PKD1L1: variants seen among roughly 807,000 people sequenced by gnomAD.
PKD1L1 encodes polycystin-1-like protein 1.
A neutral mutation model predicts 323.4 loss-of-function variants in PKD1L1; 236 were observed. The ratio of observed to expected loss-of-function variants is 0.73; its 90% CI spans 0.66 to 0.81. PKD1L1 has a LOEUF of 0.81. PKD1L1 is among the 40% of genes least tolerant of loss of function. The pLI is 0.00. For synonymous variants in PKD1L1, 1,344 were observed against 1,335.0 expected, an observed-to-expected ratio of 1.01 and a Z score of -0.15; for missense variants, 3,320 against 3,508.0, an observed-to-expected ratio of 0.95 and a Z score of 1.35.
rs1417173180 is a variant in PKD1L1 at position 47,893,373 on chromosome 7, C to G, written c.2453+505G>C. Among the ~76,000 whole-genome samples, 4 of 152,164 alleles carry G rather than the reference C, an allele frequency of 2.6e-5. No individual in the cohort carries two copies. The East Asian group carries it at 5.8e-4, about 22-fold the overall frequency. ...GGGGCGCTGTAGGGACGCCGGGACT[C>G]ACAGCCCAGAGTCCGGAGAATGGTC... On this transcript the variant is annotated intron_variant, in intron 15 of 56. Transcript: ENST00000289672.
intron 8 of PKD1L1, 119 bp from the exon 9 acceptor site, chr7:47,908,369 T>A (rs1046668976): frequency 3.4e-5 from 32 of 941,946 alleles, no homozygotes; most frequent in Non-Finnish European, 5.0e-5. Context: ...GGAGAGGTGA[T>A]CTTTCTTGTC....
intron 22 of PKD1L1, among the ~76,000 whole-genome samples, chr7:47,876,762 T>C (rs558355812): frequency 6.6e-6 from 1 of 152,224 alleles, no homozygotes; most frequent in Non-Finnish European, 1.5e-5. Context: ...TGCCTGCCCA[T>C]CACCTGAGGC....
chr7:47,886,911 T>C (rs569451501), intron 17 of PKD1L1, among the ~76,000 whole-genome samples: 1 of 152,054 alleles, frequency 6.6e-6, no homozygotes, highest in Non-Finnish European at 1.5e-5. Context: ...AAAGGATGAA[T>C]AGCAAAGAAA....
At chr7:47,833,704 CAG>C (rs1034699627) in intron 40 of PKD1L1, among the ~76,000 whole-genome samples, 4 of 152,192 alleles carry the variant, frequency 2.6e-5, no homozygotes, top group Admixed American at 1.3e-4. Context: ...GAGCTGCCGC[CAG>C]AGAGTTAGAG....
chr7:47,789,110 A>C (rs1447280394), intron 56 of PKD1L1, among the ~76,000 whole-genome samples: 1 of 152,164 alleles, frequency 6.6e-6, no homozygotes, highest in East Asian at 1.9e-4. Flanking sequence ...TTGTTTCATA[A>C]AAACACATTC....
chr7:47,870,291 A>G (rs928016374), intron 24 of PKD1L1, among the ~76,000 whole-genome samples: 5 of 152,160 alleles, frequency 3.3e-5, no homozygotes, highest in Non-Finnish European at 7.4e-5. Context: ...CAACCACAAC[A>G]ATAAAAATCA....
rs1447198567 is a variant in PKD1L1 at position 47,889,803 on chromosome 7, C to A, written c.2675+739G>T. Among the ~76,000 whole-genome samples, 6 of 152,300 alleles carry A rather than the reference C, an allele frequency of 3.9e-5. No homozygotes were observed. The South Asian group carries it at 1.0e-3, about 26-fold the overall frequency. ...GCTATGGGCAGAGGGTCAGTCCCAG[C>A]ACTGCTTCCTGGGTGGGTGCCAGCT... On this transcript the variant is annotated intron_variant, in intron 16 of 56. Coordinates refer to ENST00000289672, the MANE Select transcript of PKD1L1 (RefSeq NM_138295.5).
At chr7:47,905,080 A>G in intron 11 of PKD1L1, 77 bp downstream of exon 11, 1 of 1,488,594 alleles carries the variant, frequency 6.7e-7, no homozygotes, top group Non-Finnish European at 9.1e-7. Flanking sequence ...TGCCTTCGGT[A>G]GCAGCATGGT....
chr7:47,813,152 C>T lies in PKD1L1; in HGVS notation c.7315G>A (p.Glu2439Lys). 3 of 1,613,908 alleles carry T rather than the reference C, an allele frequency of 1.9e-6. No individual in the cohort carries two copies. Among genetic ancestry groups the T allele is most frequent in the Non-Finnish European group, 2.5e-6 (3 of 1,180,016 alleles). The change falls in exon 49 of 57, where the codon GAG (glutamate) becomes AAG (lysine). Residue 2439 changes from glutamate to lysine, a missense_variant. Coordinates refer to ENST00000289672, the MANE Select transcript of PKD1L1 (RefSeq NM_138295.5). ...CTGCCCAGGCTGAGCACACAGTCCTCCCTTGTCCCACAGCCCCCAGGACCA... is the reference window on the plus strand; with the variant it reads ...CTGCCCAGGCTGAGCACACAGTCCTTCCTTGTCCCACAGCCCCCAGGACCA... ...LNGPGGCGTR[E>K]DCVLSLGRTR...
chr7:47,876,504 G>C (rs915389437), intron 22 of PKD1L1, among the ~76,000 whole-genome samples: 1 of 152,114 alleles, frequency 6.6e-6, no homozygotes, highest in African/African-American at 2.4e-5. Context: ...AAATCAGACT[G>C]TCACAGCCCC....
In PKD1L1 at chr7:47,905,890, C is replaced by T; in HGVS notation, c.1475G>A (p.Gly492Asp). 1.2e-6 allele frequency: 2 copies of T among 1,613,612 alleles called. No homozygotes were observed. Among genetic ancestry groups the T allele is most frequent in the East Asian group, 2.2e-5 (1 of 44,860 alleles). Residue 492 changes from glycine (G) to aspartate (D), a missense_variant, in exon 10 of 57, where the codon GGT becomes GAT. Coordinates refer to ENST00000289672, the MANE Select transcript of PKD1L1 (RefSeq NM_138295.5). ...CATGCTGTGCCAAGCCTGGCTGTCACCCACTTGAGTCTGAGAAATAAAGGA... is the reference window on the plus strand; with the variant it reads ...CATGCTGTGCCAAGCCTGGCTGTCATCCACTTGAGTCTGAGAAATAAAGGA... The part of the protein sequence containing the change: ...NVSFISQTQV[G>D]DSQAWHSMTV...
chr7:47,958,629 A>C, the PKD1L1 span, among the ~76,000 whole-genome samples: 1 of 152,252 alleles, frequency 6.6e-6, no homozygotes, highest in Non-Finnish European at 1.5e-5. Context: ...ACAGCAAAGG[A>C]AACAACCGAT....
chr7:47,900,432 T>C (rs1306157581), intron 13 of PKD1L1, among the ~76,000 whole-genome samples: 2 of 152,236 alleles, frequency 1.3e-5, no homozygotes, highest in Non-Finnish European at 2.9e-5. Flanking sequence ...TGCCAAGTTA[T>C]TTGTAGTGAT....
chr7:47,945,112 C>T (rs988246473), intron 1 of PKD1L1, among the ~76,000 whole-genome samples: 1 of 152,156 alleles, frequency 6.6e-6, no homozygotes, highest in African/African-American at 2.4e-5. Context: ...TTGAGAGGAA[C>T]GACACAGACC....
intron 23 of PKD1L1, among the ~76,000 whole-genome samples, chr7:47,875,353 C>T (rs539593716): frequency 1.4e-4 from 22 of 152,332 alleles, no homozygotes; most frequent in African/African-American, 5.3e-4. Flanking sequence ...AGTGAATGAA[C>T]TAGTTCAGAC....
intron 48 of PKD1L1, 95 bp from the exon 49 acceptor site, chr7:47,813,388 G>T: frequency 7.7e-7 from 1 of 1,296,576 alleles, no homozygotes; most frequent in Non-Finnish European, 1.1e-6. Flanking sequence ...GTGAACACCT[G>T]CTCTGTCCTG....
At chr7:47,915,308 G>A (rs867199010) in intron 8 of PKD1L1, 124 bp downstream of exon 8, 28 of 614,578 alleles carry the variant, frequency 4.6e-5, no homozygotes, top group African/African-American at 1.3e-4. Flanking sequence ...ACAGGACACC[G>A]TAGCCCATAG....
chr7:47,950,627 T>A (rs987064229), upstream of PKD1L1, among the ~76,000 whole-genome samples: 1 of 152,108 alleles, frequency 6.6e-6, no homozygotes, highest in Non-Finnish European at 1.5e-5. Context: ...GGAGAATCGC[T>A]TGAACCGGGG....
the PKD1L1 span, chr7:47,957,320 T>C: frequency 6.6e-6 from 1 of 152,588 alleles, no homozygotes; most frequent in Non-Finnish European, 1.5e-5. Context: ...AATAGGAACA[T>C]GCTGTAATTA....
Sources: gnomAD v4.1 joint callset for allele counts (sites outside exome capture counted in the v4.1 genomes callset) on GRCh38, gnomAD v4.1.1 for gene constraint, MANE v1.5 for transcripts, NCBI Gene and HGNC (gene_info 2026-07-23, HGNC 2026-07-21) for gene names.